CADPS2: variants seen among roughly 807,000 people sequenced by gnomAD.
The protein encoded by CADPS2 is calcium-dependent secretion activator 2.
A neutral mutation model predicts 172.5 loss-of-function variants in CADPS2; 93 were observed. The ratio of observed to expected loss-of-function variants is 0.54; its 90% CI spans 0.46 to 0.64. The LOEUF (loss-of-function observed/expected upper bound fraction) is 0.64. Ranked by LOEUF, CADPS2 falls within the 30% of genes least tolerant of loss-of-function variation. The pLI is 0.00. For missense variants in CADPS2, 1,420 were observed against 1,565.9 expected (o/e 0.91, Z 1.57); for synonymous variants, 546 against 555.2 (o/e 0.98, Z 0.23).
chr7:122,370,377 C>T (rs1192531715), intron 25 of CADPS2, among the ~76,000 whole-genome samples: 3 of 152,078 alleles, frequency 2.0e-5, no homozygotes, highest in Admixed American at 6.6e-5. Flanking sequence ...GAATTTCAAT[C>T]CTTTTTAAAA....
At chr7:122,539,775 CTT>C (rs1424798248) in intron 8 of CADPS2, among the ~76,000 whole-genome samples, 1 of 151,924 alleles carries the variant, frequency 6.6e-6, no homozygotes, top group Non-Finnish European at 1.5e-5. Context: ...CTGTCTCTCT[CTT>C]TCTGTTTCTC....
chr7:122,361,151 T>A, intron 25 of CADPS2, 138 bp from the exon 26 acceptor site: 1 of 661,700 alleles, frequency 1.5e-6, no homozygotes, highest in Admixed American at 2.7e-5. Context: ...TCAGACTAAC[T>A]TGTGATGTTT....
chr7:122,424,099 G>A (rs1033330916), intron 17 of CADPS2: 2 of 152,532 alleles, frequency 1.3e-5, no homozygotes, highest in African/African-American at 4.8e-5. Context: ...GGATGGTATA[G>A]CCTCCCGATA....
intron 25 of CADPS2, among the ~76,000 whole-genome samples, chr7:122,373,624 C>T (rs1454331355): frequency 1.4e-4 from 22 of 152,016 alleles, no homozygotes; most frequent in Admixed American, 1.4e-3. Flanking sequence ...CACTGTTTTT[C>T]CAAAGGTGCA....
At chr7:122,463,949 T>C (rs1048689490) in intron 14 of CADPS2, among the ~76,000 whole-genome samples, 2 of 152,210 alleles carry the variant, frequency 1.3e-5, no homozygotes, top group African/African-American at 2.4e-5. Flanking sequence ...TATGAACTCA[T>C]GGTTTAGTAC....
At chr7:122,410,647 C>T (rs1309886608) in intron 19 of CADPS2, among the ~76,000 whole-genome samples, 2 of 151,992 alleles carry the variant, frequency 1.3e-5, no homozygotes, top group Non-Finnish European at 2.9e-5. Context: ...CCCAGTGTTG[C>T]TGTGAAAATC....
chr7:122,728,753 T>A (rs960099417), intron 2 of CADPS2, among the ~76,000 whole-genome samples: 4 of 151,762 alleles, frequency 2.6e-5, no homozygotes, highest in African/African-American at 9.7e-5. Context: ...TTTTGATACA[T>A]TATATTTGTA....
chr7:122,479,651 T>C (rs1021425057), intron 12 of CADPS2, among the ~76,000 whole-genome samples: 3 of 152,196 alleles, frequency 2.0e-5, no homozygotes, highest in African/African-American at 4.8e-5. Flanking sequence ...GTAATACTTT[T>C]GCATGATGAC....
chr7:122,830,701 C>G (rs1806283762), intron 1 of CADPS2, among the ~76,000 whole-genome samples: 1 of 152,144 alleles, frequency 6.6e-6, no homozygotes, highest in African/African-American at 2.4e-5. Flanking sequence ...AAAGTCTCAT[C>G]ATAAAGCAAA....
At chr7:122,698,211 T>C (rs776447988) in intron 2 of CADPS2, 4 of 1,613,716 alleles carry the variant, frequency 2.5e-6, no homozygotes, top group Non-Finnish European at 2.5e-6. Context: ...GAAGTTGGAG[T>C]TGTCCAAATG....
intron 1 of CADPS2, among the ~76,000 whole-genome samples, chr7:122,767,939 T>TAA (rs1247935428): frequency 6.6e-6 from 1 of 152,102 alleles, no homozygotes; most frequent in Non-Finnish European, 1.5e-5. Context: ...CTAGAGACAA[T>TAA]AAGCCTACAT....
At chr7:122,566,227 T>C (rs1278437054) in intron 7 of CADPS2, among the ~76,000 whole-genome samples, 1 of 151,948 alleles carries the variant, frequency 6.6e-6, no homozygotes, top group African/African-American at 2.4e-5. Flanking sequence ...ACCAACAAGA[T>C]AAAAGATAAG....
intron 28 of CADPS2, among the ~76,000 whole-genome samples, chr7:122,341,299 C>G (rs1389400757): frequency 6.6e-6 from 1 of 152,136 alleles, no homozygotes; most frequent in Non-Finnish European, 1.5e-5. Context: ...CACAAAATAA[C>G]TTAGAAATTA....
chr7:122,747,078 T>G (rs529913215), intron 1 of CADPS2, among the ~76,000 whole-genome samples: 1 of 152,174 alleles, frequency 6.6e-6, no homozygotes, highest in Non-Finnish European at 1.5e-5. Context: ...TTATCACAAA[T>G]AGCAGCCTGA....
chr7:122,637,079 C>T lies in CADPS2; in HGVS notation c.787-7751G>A, dbSNP rs546508378. 4.7e-5 allele frequency among the ~76,000 whole-genome samples: 7 copies of T among 148,974 alleles called. No homozygotes were observed. The East Asian group carries it at 9.8e-4, about 21-fold the overall frequency. On this transcript the variant is annotated intron_variant, in intron 3 of 29. Coordinates refer to ENST00000449022, the MANE Select transcript of CADPS2 (RefSeq NM_017954.11). ...ATTTTTTTCTTTTTGTCTGACAAAGCTGACTTGAAGAACTTGTCTTTAAGC... is the reference window on the plus strand; with the variant it reads ...ATTTTTTTCTTTTTGTCTGACAAAGTTGACTTGAAGAACTTGTCTTTAAGC...
chr7:122,463,280 A>G (rs1427354521), intron 14 of CADPS2, among the ~76,000 whole-genome samples: 2 of 152,128 alleles, frequency 1.3e-5, no homozygotes, highest in Non-Finnish European at 2.9e-5. Context: ...ATTAGGTAAG[A>G]AATCAGTTCT....
chr7:122,742,041 A>G (rs2092503208), intron 1 of CADPS2, among the ~76,000 whole-genome samples: 1 of 152,158 alleles, frequency 6.6e-6, no homozygotes, highest in Admixed American at 6.6e-5. Flanking sequence ...CTTGGATGCA[A>G]TGGATCATAA....
Position 122,345,566 on chromosome 7 carries a change from C to T in CADPS2, c.3612+8G>A. 2 of 1,514,984 alleles carry T rather than the reference C, an allele frequency of 1.3e-6. No individual in the cohort carries two copies. Among genetic ancestry groups the T allele is most frequent in the Non-Finnish European group, 9.1e-7 (1 of 1,092,980 alleles). 93.8% of individuals were successfully genotyped at this position (1,514,984 alleles called of 1,614,324 possible). The stretch of plus-strand genomic sequence containing the variant: ...GTGTCAGCATACCTTGCAAGGGAAG[C>T]TACTTACATCAAATAACTTTTCTAT... On this transcript the variant is annotated splice_region_variant and intron_variant, in intron 28 of 29. Transcript: ENST00000449022.
At chr7:122,639,097 A>T (rs2077347512) in intron 3 of CADPS2, among the ~76,000 whole-genome samples, 1 of 152,206 alleles carries the variant, frequency 6.6e-6, no homozygotes, top group South Asian at 2.1e-4. Flanking sequence ...TCCAAGCAAC[A>T]TGTTTACCAA....
Sources: gnomAD v4.1 joint callset for allele counts (sites outside exome capture counted in the v4.1 genomes callset) on GRCh38, gnomAD v4.1.1 for gene constraint, MANE v1.5 for transcripts, NCBI Gene and HGNC (gene_info 2026-07-23, HGNC 2026-07-21) for gene names.